The following CNTNAP2 variants were observed in gnomAD, a reference collection of about 807,000 sequenced individuals.
CNTNAP2 encodes contactin associated protein 2, also known as contactin-associated protein-like 2.
Under a neutral mutation model 155.2 loss-of-function variants are expected in CNTNAP2, and 98 were observed. The observed-to-expected ratio is 0.63, with a 90% CI of 0.54 to 0.75. The LOEUF (loss-of-function observed/expected upper bound fraction) is 0.75. CNTNAP2 is among the 30% of genes least tolerant of loss of function. The pLI is 0.00. For missense variants in CNTNAP2, 1,727 were observed against 1,688.1 expected, an observed-to-expected ratio of 1.02 and a Z score of -0.40; for synonymous variants, 651 against 631.2, an observed-to-expected ratio of 1.03 and a Z score of -0.47.
chr7:146,448,789 C>T (rs1178310118), intron 1 of CNTNAP2, among the ~76,000 whole-genome samples: 1 of 152,054 alleles, frequency 6.6e-6, no homozygotes, highest in African/African-American at 2.4e-5. Context: ...CAAAACTTTT[C>T]TTCACACTAC....
chr7:147,964,065 C>A (rs1198433817), intron 14 of CNTNAP2, among the ~76,000 whole-genome samples: 1 of 151,964 alleles, frequency 6.6e-6, no homozygotes, highest in Non-Finnish European at 1.5e-5. Context: ...AATGAGGCCA[C>A]AAGAATGGGG....
chr7:148,187,524 A>G (rs1169423834), intron 18 of CNTNAP2, among the ~76,000 whole-genome samples: 10 of 152,218 alleles, frequency 6.6e-5, no homozygotes, highest in Admixed American at 6.5e-4. Flanking sequence ...CGAGCTTCTG[A>G]TGATGGAAAT....
At chr7:146,693,161 G>A (rs1165854159) in intron 1 of CNTNAP2, among the ~76,000 whole-genome samples, 1 of 152,080 alleles carries the variant, frequency 6.6e-6, no homozygotes, top group African/African-American at 2.4e-5. Flanking sequence ...AACAAAGATA[G>A]CATTGTGCTT....
At chr7:147,128,631 A>T in intron 6 of CNTNAP2, 62 bp from the exon 7 acceptor site, 6 of 1,583,216 alleles carry the variant, frequency 3.8e-6, no homozygotes, top group Non-Finnish European at 5.2e-6. Flanking sequence ...CTGTATTCAT[A>T]GTTTTGTCTA....
intron 1 of CNTNAP2, among the ~76,000 whole-genome samples, chr7:146,290,621 T>C (rs889900117): frequency 6.6e-6 from 1 of 152,260 alleles, no homozygotes; most frequent in Non-Finnish European, 1.5e-5. Flanking sequence ...AATATATTTG[T>C]ATCGCCATCT....
chr7:146,309,576 T>A (rs1584861771), intron 1 of CNTNAP2, among the ~76,000 whole-genome samples: 1 of 151,988 alleles, frequency 6.6e-6, no homozygotes. Flanking sequence ...CTGAGGCAGG[T>A]GGATCACCTA....
At chr7:146,576,765 T>C (rs1236648313) in intron 1 of CNTNAP2, among the ~76,000 whole-genome samples, 2 of 152,160 alleles carry the variant, frequency 1.3e-5, no homozygotes, top group Non-Finnish European at 2.9e-5. Context: ...GTTCTAGAGA[T>C]GATTTTGTAA....
chr7:147,405,883 A>G (rs934115184), intron 10 of CNTNAP2, among the ~76,000 whole-genome samples: 6 of 152,148 alleles, frequency 3.9e-5, no homozygotes, highest in African/African-American at 1.4e-4. Context: ...ATGGTTTGAT[A>G]AAAAGGCCGG....
intron 15 of CNTNAP2, among the ~76,000 whole-genome samples, chr7:148,057,944 T>C (rs377418337): frequency 9.6e-5 from 12 of 124,672 alleles, no homozygotes; most frequent in African/African-American, 3.2e-4. Context: ...ATGACTCAGC[T>C]TCCAGCTTAT....
At chr7:146,477,686 T>G (rs1352469010) in intron 1 of CNTNAP2, among the ~76,000 whole-genome samples, 2 of 150,772 alleles carry the variant, frequency 1.3e-5, no homozygotes, top group Non-Finnish European at 3.0e-5. Flanking sequence ...TCTTCTGGAT[T>G]GTATACTAAA....
At chr7:147,634,708 A>G (rs1795148148) in intron 12 of CNTNAP2, among the ~76,000 whole-genome samples, 1 of 152,198 alleles carries the variant, frequency 6.6e-6, no homozygotes. Flanking sequence ...TTTCTTTTCA[A>G]ATCTTTCCAA....
chr7:147,187,489 T>C (rs1269851185), intron 8 of CNTNAP2, among the ~76,000 whole-genome samples: 1 of 152,168 alleles, frequency 6.6e-6, no homozygotes, highest in Non-Finnish European at 1.5e-5. Context: ...GAGGCCATTA[T>C]GCTAAGTGAA....
Position 147,567,114 on chromosome 7 carries a change from TGCATAGACA to T in CNTNAP2, c.1897+4864_1897+4872del, listed in dbSNP as rs1293839780. ...GGAATAATGAACCTTCTAAGGATGCTGCATAGACAGCATAGGGGAGCCATGGATTGAGCT... is the reference window on the plus strand; with the variant it reads ...GGAATAATGAACCTTCTAAGGATGCTGCATAGGGGAGCCATGGATTGAGCT... On this transcript the variant is annotated intron_variant, in intron 12 of 23. Transcript: ENST00000361727. Among the ~76,000 whole-genome samples the T allele has an allele frequency of 1.8e-3, 271 of 152,284 alleles. 2 individuals carry two copies. The highest frequency in any genetic ancestry group is 2.6e-4 in the Non-Finnish European group (18 of 68,030).
At chr7:146,755,077 C>A (rs1460938397) in intron 1 of CNTNAP2, among the ~76,000 whole-genome samples, 1 of 151,866 alleles carries the variant, frequency 6.6e-6, no homozygotes, top group Admixed American at 6.6e-5. Flanking sequence ...GTGATACTCT[C>A]CTGCAATGGG....
At chr7:147,168,516 G>A (rs1004298011) in intron 8 of CNTNAP2, among the ~76,000 whole-genome samples, 1 of 151,956 alleles carries the variant, frequency 6.6e-6, no homozygotes, top group African/African-American at 2.4e-5. Flanking sequence ...ATCTGATAAA[G>A]GTTAGGTTTG....
intron 14 of CNTNAP2, among the ~76,000 whole-genome samples, chr7:147,946,109 C>T (rs990923728): frequency 6.6e-6 from 1 of 152,016 alleles, no homozygotes; most frequent in South Asian, 2.1e-4. Flanking sequence ...TAATTCACCC[C>T]TGAAATACAC....
At chr7:148,399,348 C>CTA (rs1385092000) in intron 22 of CNTNAP2, among the ~76,000 whole-genome samples, 3 of 152,306 alleles carry the variant, frequency 2.0e-5, no homozygotes, top group African/African-American at 7.2e-5. Flanking sequence ...TGGCACGTGC[C>CTA]TATAGTCCCA....
At chr7:148,338,933 C>A (rs1798172092) in intron 21 of CNTNAP2, among the ~76,000 whole-genome samples, 1 of 152,054 alleles carries the variant, frequency 6.6e-6, no homozygotes, top group South Asian at 2.1e-4. Context: ...GTGAAGGAGG[C>A]CACACAGCAG....
chr7:147,800,898 T>TA (rs1797972491), intron 13 of CNTNAP2, among the ~76,000 whole-genome samples: 1 of 152,210 alleles, frequency 6.6e-6, no homozygotes, highest in African/African-American at 2.4e-5. Flanking sequence ...TACAGTAACA[T>TA]ACTGTACAGG....
Sources: allele counts gnomAD v4.1 joint callset (sites outside exome capture counted in the v4.1 genomes callset), GRCh38; gene constraint gnomAD v4.1.1; transcripts MANE v1.5; gene names NCBI Gene and HGNC (gene_info 2026-07-23, HGNC 2026-07-21).